QTRT2: variants seen among roughly 807,000 people sequenced by gnomAD.
QTRT2 encodes the protein queuine tRNA-ribosyltransferase domain containing 1.
In QTRT2, 32 loss-of-function variants were observed where a neutral mutation model predicts 44.8. The observed-to-expected ratio is 0.71, with a 90% CI of 0.54 to 0.96. QTRT2 has a LOEUF of 0.96. Ranked by LOEUF, QTRT2 falls within the 40% of genes least tolerant of loss-of-function variation. QTRT2 has a pLI of 0.00. For synonymous variants in QTRT2, 182 were observed against 187.4 expected, an observed-to-expected ratio of 0.97 and a Z score of 0.24; for missense variants, 461 against 503.1, an observed-to-expected ratio of 0.92 and a Z score of 0.80.
In QTRT2 at chr3:114,057,058, C is replaced by T. The variant is rs1379833418; in HGVS notation, c.-70C>T. 7.2e-7 allele frequency: 1 copy of T among 1,379,492 alleles called. No individual in the cohort carries two copies. Among genetic ancestry groups the T allele is most frequent in the Non-Finnish European group, 9.3e-7 (1 of 1,070,022 alleles). 85.5% of individuals were successfully genotyped at this position (1,379,492 alleles called of 1,614,324 possible). A position where few individuals can be genotyped will look rare whatever the true frequency, so the allele number is the denominator to read the frequency against. On this transcript the variant is annotated 5_prime_UTR_variant, in exon 2 of 10. Transcript: ENST00000281273. ...TTCTCATAAATCGTGTGAGCGTCGC[C>T]GACACCTCTGAGATAAAAGGGCCCC...
chr3:114,085,642 T>A lies in QTRT2; in HGVS notation c.1017-31T>A, dbSNP rs776849609. 8.3e-6 allele frequency: 13 copies of A among 1,571,518 alleles called. No homozygotes were observed. In the Admixed American group the frequency reaches 2.2e-4, roughly 26 times the overall value. The stretch of plus-strand genomic sequence containing the variant: ...TTGTGGATTTCTTGTATTCCGTACT[T>A]TCTGGAATGTCACTGTGACTTCTTT... On this transcript the variant is annotated intron_variant, in intron 9 of 9. Transcript: ENST00000281273.
Position 114,076,723 on chromosome 3 carries a change from TATC to T in QTRT2, c.547-16_547-14del, listed in dbSNP as rs1165787168. 6.2e-7 allele frequency: 1 copy of T among 1,611,644 alleles called. No homozygotes were observed. The highest frequency in any genetic ancestry group is 2.2e-5 in the East Asian group (1 of 44,856). Reference sequence around the variant, plus strand: ...CTCATACTGAAAATGGTTAAAAACATATCATCCTTCTTACCTCAGGTTCTTCAG... The same window carrying T: ...CTCATACTGAAAATGGTTAAAAACATATCCTTCTTACCTCAGGTTCTTCAG... On this transcript the variant is annotated splice_polypyrimidine_tract_variant and intron_variant, in intron 6 of 9. Transcript: ENST00000281273.
intron 9 of QTRT2, among the ~76,000 whole-genome samples, chr3:114,085,219 CT>C (rs2077219394): frequency 6.7e-6 from 1 of 150,278 alleles, no homozygotes; most frequent in African/African-American, 2.4e-5. Flanking sequence ...TTTTTTTTTT[CT>C]TTTTTGAGAT....
rs2077249006 is a variant in QTRT2, at chr3:114,087,309, G to A, written c.*1405G>A. 1 of 152,160 alleles carries A rather than the reference G, an allele frequency of 6.6e-6. No individual in the cohort carries two copies. Among genetic ancestry groups the A allele is most frequent in the Non-Finnish European group, 1.5e-5 (1 of 68,032 alleles). The allele number at this position is 152,160 out of a possible 1,614,324, so 9.4% of individuals were successfully genotyped here. On this transcript the variant is annotated 3_prime_UTR_variant, in exon 10 of 10. Transcript: ENST00000281273. Reference sequence around the variant, plus strand: ...CTGCTGTATGTTTTATGTGTTGGGAGCCCATTGTATTAGGCCGTTCTTGGA... The same window carrying A: ...CTGCTGTATGTTTTATGTGTTGGGAACCCATTGTATTAGGCCGTTCTTGGA...
At chr3:114,062,388 AAAAG>A (rs1374077834) in intron 2 of QTRT2, among the ~76,000 whole-genome samples, 1 of 151,270 alleles carries the variant, frequency 6.6e-6, no homozygotes, top group African/African-American at 2.4e-5. Context: ...AAAAAAAAAA[AAAAG>A]AATAAAAAGA....
intron 6 of QTRT2, among the ~76,000 whole-genome samples, chr3:114,071,567 G>C (rs977537995): frequency 6.6e-6 from 1 of 152,122 alleles, no homozygotes; most frequent in Non-Finnish European, 1.5e-5. Flanking sequence ...CCAAAGTGCT[G>C]GGATTACAGG....
At chr3:114,085,438 C>T (rs2077222675) in intron 9 of QTRT2, among the ~76,000 whole-genome samples, 1 of 152,190 alleles carries the variant, frequency 6.6e-6, no homozygotes, top group Admixed American at 6.5e-5. Flanking sequence ...GAACTCCTGA[C>T]CTCGTGATCC....
chr3:114,067,422 G>A (rs1245461972), intron 4 of QTRT2, among the ~76,000 whole-genome samples: 1 of 151,772 alleles, frequency 6.6e-6, no homozygotes, highest in Non-Finnish European at 1.5e-5. Flanking sequence ...AACTTTTTTT[G>A]CATTTTTTAA....
In QTRT2 at chr3:114,087,244, T is replaced by C. The variant is rs2077248260; in HGVS notation, c.*1340T>C. 4 of 152,242 alleles carry C rather than the reference T, an allele frequency of 2.6e-5. No individual in the cohort carries two copies. The highest frequency in any genetic ancestry group is 2.6e-4 in the Admixed American group (4 of 15,278). 9.4% of individuals were successfully genotyped at this position (152,242 alleles called of 1,614,324 possible). ...ATGCTATATTTTGCTATTCAAAATT[T>C]AGTGGGCATTACTTAACATTGTTTC... On this transcript the variant is annotated 3_prime_UTR_variant, in exon 10 of 10. Coordinates refer to ENST00000281273, the MANE Select transcript of QTRT2 (RefSeq NM_024638.4).
chr3:114,080,864 A>G (rs2077157664), intron 8 of QTRT2, among the ~76,000 whole-genome samples: 1 of 152,224 alleles, frequency 6.6e-6, no homozygotes, highest in African/African-American at 2.4e-5. Context: ...CAGATGTTAT[A>G]CTTTTATGAA....
chr3:114,059,066 C>A (rs1264232833), intron 2 of QTRT2, among the ~76,000 whole-genome samples: 6 of 152,154 alleles, frequency 3.9e-5, no homozygotes, highest in Non-Finnish European at 7.3e-5. Flanking sequence ...TGTAGAGAAT[C>A]CAGCTAGGAA....
chr3:114,085,730 T>TCGGGCATACATGTATG lies in QTRT2; in HGVS notation c.1075_1076insGGGCATACATGTATGC (p.His359ArgfsTer19), dbSNP rs756882499. 7.4e-6 allele frequency: 12 copies of TCGGGCATACATGTATG among 1,614,096 alleles called. No individual in the cohort carries two copies. Among genetic ancestry groups the TCGGGCATACATGTATG allele is most frequent in the Non-Finnish European group, 7.6e-6 (9 of 1,180,044 alleles). On this transcript the variant is annotated frameshift_variant, in exon 10 of 10. Transcript: ENST00000281273. LOFTEE classifies it high-confidence loss of function. ...GATGTTCCTGTTACTGCTGTAAGAA[T>TCGGGCATACATGTATG]CACACTCGGGCATACATCCACCATC...
At chr3:114,072,421 A>G (rs2077036504) in intron 6 of QTRT2, among the ~76,000 whole-genome samples, 1 of 152,160 alleles carries the variant, frequency 6.6e-6, no homozygotes. Flanking sequence ...CCGAAGTGCC[A>G]TGTGTCATTC....
intron 3 of QTRT2, among the ~76,000 whole-genome samples, chr3:114,065,676 C>G (rs1474522225): frequency 6.6e-6 from 1 of 152,180 alleles, no homozygotes; most frequent in Admixed American, 6.5e-5. Context: ...TTCCTCCAAA[C>G]CTACAGTCCC....
intron 6 of QTRT2, among the ~76,000 whole-genome samples, chr3:114,072,856 G>A (rs2077042541): frequency 6.6e-6 from 1 of 152,178 alleles, no homozygotes; most frequent in Non-Finnish European, 1.5e-5. Flanking sequence ...GATACTGATA[G>A]CAGAGTTAAT....
chr3:114,056,918 C>T lies in QTRT2; in HGVS notation c.-130+54C>T, dbSNP rs1014119588. The T allele has an allele frequency of 2.6e-5, 39 of 1,526,908 alleles. No homozygotes were observed. In the African/African-American group the frequency reaches 5.1e-4, roughly 20 times the overall value. The allele number at this position is 1,526,908 out of a possible 1,614,324, so 94.6% of individuals were successfully genotyped here. On this transcript the variant is annotated intron_variant, in intron 1 of 9. Coordinates refer to ENST00000281273, the MANE Select transcript of QTRT2 (RefSeq NM_024638.4). Reference sequence around the variant, plus strand: ...GGAGCTGCTAGAGATGGATGAGTCACGTCGCGTCCAGACGCTTCCTGGTTG... The same window carrying T: ...GGAGCTGCTAGAGATGGATGAGTCATGTCGCGTCCAGACGCTTCCTGGTTG...
intron 7 of QTRT2, chr3:114,078,348 G>A (rs2077120305): frequency 6.6e-6 from 1 of 152,030 alleles, no homozygotes; most frequent in Non-Finnish European, 1.5e-5. Context: ...CAGTTGGATA[G>A]GAGTTCTAAA....
At chr3:114,084,060 C>CTTTTTTTT (rs36088762) in intron 9 of QTRT2, among the ~76,000 whole-genome samples, 2 of 134,772 alleles carry the variant, frequency 1.5e-5, no homozygotes, top group South Asian at 2.4e-4. Context: ...TCACTTTTTT[C>CTTTTTTTT]TTTTTTTTTT....
intron 4 of QTRT2, 24 bp from the exon 5 acceptor site, chr3:114,067,963 G>A (rs748193214): frequency 1.9e-6 from 3 of 1,609,906 alleles, no homozygotes; most frequent in East Asian, 4.5e-5. Flanking sequence ...GCACTTTCAA[G>A]GGTTCTTTTT....
Sources: allele counts gnomAD v4.1 joint callset (sites outside exome capture counted in the v4.1 genomes callset), GRCh38; gene constraint gnomAD v4.1.1; transcripts MANE v1.5; gene names NCBI Gene and HGNC (gene_info 2026-07-23, HGNC 2026-07-21).